Variants in PRORP observed in about 807,000 individuals in gnomAD.
PRORP encodes the protein mitochondrial ribonuclease P catalytic subunit.
Under a neutral mutation model 59.4 loss-of-function variants are expected in PRORP, and 51 were observed. That is an observed-to-expected ratio of 0.86 (90% confidence interval 0.69 to 1.08). The LOEUF is 1.08. Ranked by LOEUF, PRORP falls within the 50% of genes least tolerant of loss-of-function variation. The pLI, the probability that PRORP is intolerant of heterozygous loss-of-function variation, is 0.00. For missense variants in PRORP, 646 were observed against 690.3 expected (o/e 0.94, Z 0.72); for synonymous variants, 231 against 245.6 (o/e 0.94, Z 0.55).
At chr14:35,156,890 C>CT (rs1267175705) in intron 4 of PRORP, among the ~76,000 whole-genome samples, 1 of 151,702 alleles carries the variant, frequency 6.6e-6, no homozygotes, top group African/African-American at 2.4e-5. Context: ...AAATTAATAC[C>CT]TTTTTTTGTA....
Position 35,122,991 on chromosome 14 carries a change from G to A in PRORP, c.-255G>A, listed in dbSNP as rs183521022. On this transcript the variant is annotated 5_prime_UTR_variant, in exon 2 of 8. Transcript: ENST00000534898. ...ATGTAAGAGGCACCAGAGGATTCCT[G>A]CTCTGTCCCCTGGTTTGCGGCTTGC... 1,983 of 480,132 alleles carry A rather than the reference G, an allele frequency of 4.1e-3. 12 individuals carry two copies. The highest frequency in any genetic ancestry group is 5.6e-3 in the Non-Finnish European group (1,502 of 265,946). The allele number at this position is 480,132 out of a possible 1,614,324, so 29.7% of individuals were successfully genotyped here. A position where few individuals can be genotyped will look rare whatever the true frequency, so the allele number is the denominator to read the frequency against.
intron 5 of PRORP, among the ~76,000 whole-genome samples, chr14:35,208,423 G>A (rs2049351363): frequency 6.6e-6 from 1 of 152,076 alleles, no homozygotes; most frequent in Non-Finnish European, 1.5e-5. Flanking sequence ...ATCTCTAAAA[G>A]TAATAATAAT....
chr14:35,147,137 CTAT>C (rs1442825037), intron 4 of PRORP, among the ~76,000 whole-genome samples: 1 of 152,038 alleles, frequency 6.6e-6, no homozygotes, highest in African/African-American at 2.4e-5. Context: ...ATGCTGTAGA[CTAT>C]TAAGTGTGCA....
At position 35,275,432 on chromosome 14, in the gene PRORP, A is replaced by G. The variant is rs1183097371; in HGVS notation, c.*1866A>G. 1 of 152,208 alleles carries G rather than the reference A, an allele frequency of 6.6e-6. No individual in the cohort carries two copies. Among genetic ancestry groups the G allele is most frequent in the Non-Finnish European group, 1.5e-5 (1 of 68,048 alleles). 9.4% of individuals were successfully genotyped at this position (152,208 alleles called of 1,614,324 possible). ...CACCAAGACAAAAGAGCTCTCCAGG[A>G]AAACATTGGATATATTGAGAGCATT... On this transcript the variant is annotated 3_prime_UTR_variant, in exon 8 of 8. Transcript: ENST00000534898.
At chr14:35,134,743 G>A (rs1007324517) in intron 4 of PRORP, among the ~76,000 whole-genome samples, 7 of 152,118 alleles carry the variant, frequency 4.6e-5, no homozygotes, top group Non-Finnish European at 7.4e-5. Context: ...TGAGATGTGC[G>A]GCCTGGGCTT....
chr14:35,136,329 G>A (rs1256239521), intron 4 of PRORP, among the ~76,000 whole-genome samples: 1 of 152,002 alleles, frequency 6.6e-6, no homozygotes, highest in Non-Finnish European at 1.5e-5. Flanking sequence ...CCAAGAACAG[G>A]TATGAGGAGA....
intron 4 of PRORP, chr14:35,158,541 T>C: frequency 4.4e-6 from 1 of 229,218 alleles, no homozygotes; most frequent in Non-Finnish European, 9.4e-6. Flanking sequence ...TTTCTTTCAT[T>C]ATCTGTTTTA....
In PRORP at chr14:35,241,696, C is replaced by T. The variant is rs143551295; in HGVS notation, c.1276-25031C>T. On this transcript the variant is annotated intron_variant, in intron 5 of 7. Transcript: ENST00000534898. ...ATCCTGTGTGCCTTATGCAAGAGTCCTGCCTACCTCCCAGCCTCGACTCAC... is the reference window on the plus strand; with the variant it reads ...ATCCTGTGTGCCTTATGCAAGAGTCTTGCCTACCTCCCAGCCTCGACTCAC... 3.3e-3 allele frequency among the ~76,000 whole-genome samples: 496 copies of T among 152,238 alleles called. 4 individuals are homozygous for T. Among genetic ancestry groups the T allele is most frequent in the African/African-American group, 0.011 (470 of 41,552 alleles).
chr14:35,140,925 C>G (rs2047466620), intron 4 of PRORP, among the ~76,000 whole-genome samples: 1 of 146,016 alleles, frequency 6.8e-6, no homozygotes, highest in African/African-American at 2.4e-5. Flanking sequence ...AATAATGTAA[C>G]ATATAAAAAT....
At chr14:35,158,390 C>T (rs1595210310) in intron 4 of PRORP, 1 of 309,646 alleles carries the variant, frequency 3.2e-6, no homozygotes. Context: ...ATACTGCCTT[C>T]CCCTAACCCT....
At chr14:35,242,469 T>TG (rs905328282) in intron 5 of PRORP, among the ~76,000 whole-genome samples, 37 of 152,214 alleles carry the variant, frequency 2.4e-4, no homozygotes, top group Admixed American at 2.1e-3. Flanking sequence ...TGTTTATTGT[T>TG]GGGGGGGAGT....
chr14:35,136,007 T>C (rs925647710), intron 4 of PRORP, among the ~76,000 whole-genome samples: 7 of 151,954 alleles, frequency 4.6e-5, no homozygotes, highest in South Asian at 2.1e-4. Flanking sequence ...ATGTATATTT[T>C]AGAGAGACCT....
chr14:35,155,560 TAAAAAAAAAAA>T (rs33984722), intron 4 of PRORP, among the ~76,000 whole-genome samples: 2 of 108,676 alleles, frequency 1.8e-5, no homozygotes, highest in Non-Finnish European at 3.7e-5. Flanking sequence ...GGTGTCTATT[TAAAAAAAAAAA>T]AAAAAAAAAA....
At chr14:35,141,231 C>G (rs11623118) in intron 4 of PRORP, among the ~76,000 whole-genome samples, 32,461 of 141,368 alleles carry the variant, frequency 0.23, 7,362 homozygotes, top group Non-Finnish European at 0.32. Context: ...TTCCTTCCTT[C>G]TTTTTCTTTT....
chr14:35,124,281 T>A (rs761291327), intron 2 of PRORP, 50 bp downstream of exon 2: 4 of 1,326,054 alleles, frequency 3.0e-6, no homozygotes, highest in South Asian at 1.6e-5. Flanking sequence ...ATTTTTTTTT[T>A]TTTTGAGACA....
intron 4 of PRORP, among the ~76,000 whole-genome samples, chr14:35,149,514 C>T (rs1182908725): frequency 7.2e-5 from 11 of 152,086 alleles, no homozygotes; most frequent in Admixed American, 7.2e-4. Context: ...TGACTGGCAC[C>T]TTGCATTTTT....
chr14:35,260,802 T>G (rs1358496922), intron 5 of PRORP, among the ~76,000 whole-genome samples: 1 of 152,250 alleles, frequency 6.6e-6, no homozygotes, highest in African/African-American at 2.4e-5. Context: ...AGTCAAGTGC[T>G]GTCTTTGTTC....
chr14:35,172,092 A>C (rs143590261), intron 4 of PRORP, among the ~76,000 whole-genome samples: 8,161 of 145,754 alleles, frequency 0.056, 336 homozygotes, highest in African/African-American at 0.12. Context: ...TCTGTTGCCC[A>C]AGCTGGAGTA....
chr14:35,249,088 T>C (rs1345314136), intron 5 of PRORP, among the ~76,000 whole-genome samples: 2 of 152,218 alleles, frequency 1.3e-5, no homozygotes, highest in Admixed American at 1.3e-4. Context: ...TCTCAGTCTG[T>C]GGGAAATAAT....
Sources: gnomAD v4.1 joint callset for allele counts (sites outside exome capture counted in the v4.1 genomes callset) on GRCh38, gnomAD v4.1.1 for gene constraint, MANE v1.5 for transcripts, NCBI Gene and HGNC (gene_info 2026-07-23, HGNC 2026-07-21) for gene names.